The following TMEM45A variants were observed in gnomAD, a reference collection of about 807,000 sequenced individuals.
TMEM45A encodes the protein transmembrane protein 45A.
Under a neutral mutation model 32.0 loss-of-function variants are expected in TMEM45A, and 25 were observed. That is an observed-to-expected ratio of 0.78 (90% confidence interval 0.57 to 1.09). TMEM45A has a LOEUF of 1.09. Ranked by LOEUF, TMEM45A falls within the 50% of genes least tolerant of loss-of-function variation. The pLI, the probability that TMEM45A is intolerant of heterozygous loss-of-function variation, is 0.00. For synonymous variants in TMEM45A, 122 were observed against 114.8 expected (o/e 1.06, Z -0.40); for missense variants, 302 against 325.0 (o/e 0.93, Z 0.54).
At chr3:100,497,743 C>G (rs564908694) in intron 1 of TMEM45A, among the ~76,000 whole-genome samples, 22 of 152,138 alleles carry the variant, frequency 1.4e-4, no homozygotes, top group Admixed American at 2.6e-4. Flanking sequence ...AATATCCTTC[C>G]TTTTTAAGGC....
chr3:100,493,263 CTG>C (rs1433439169), intron 1 of TMEM45A, among the ~76,000 whole-genome samples: 1 of 151,560 alleles, frequency 6.6e-6, no homozygotes, highest in Non-Finnish European at 1.5e-5. Flanking sequence ...TGTGAAAATA[CTG>C]TGGGTATTTG....
intron 1 of TMEM45A, among the ~76,000 whole-genome samples, chr3:100,514,415 C>T (rs1014576141): frequency 5.3e-5 from 8 of 152,064 alleles, no homozygotes; most frequent in Non-Finnish European, 1.0e-4. Context: ...GGAAAACTGG[C>T]TAGCCATATG....
intron 1 of TMEM45A, among the ~76,000 whole-genome samples, chr3:100,531,591 G>C (rs1204162693): frequency 6.6e-6 from 1 of 152,104 alleles, no homozygotes; most frequent in Non-Finnish European, 1.5e-5. Context: ...ATCAACTAGA[G>C]CAATTGAATT....
chr3:100,513,707 GATTGTAT>G (rs902709298), intron 1 of TMEM45A, among the ~76,000 whole-genome samples: 5 of 152,048 alleles, frequency 3.3e-5, no homozygotes, highest in Non-Finnish European at 7.4e-5. Context: ...CAGATGACAT[GATTGTAT>G]ATCTAGAAAA....
At chr3:100,502,796 A>T (rs1319789378) in intron 1 of TMEM45A, among the ~76,000 whole-genome samples, 1 of 152,226 alleles carries the variant, frequency 6.6e-6, no homozygotes, top group African/African-American at 2.4e-5. Flanking sequence ...AATGAAAATT[A>T]AGTAATATTA....
intron 1 of TMEM45A, among the ~76,000 whole-genome samples, chr3:100,550,229 T>C (rs1440835190): frequency 1.3e-5 from 2 of 149,166 alleles, no homozygotes; most frequent in Non-Finnish European, 3.0e-5. Context: ...AAATCCTTAA[T>C]AGAAGAGAAT....
In TMEM45A at chr3:100,512,512, A is replaced by G. The variant is rs1332428574; in HGVS notation, c.-4+19584A>G. Reference sequence around the variant, plus strand: ...AAATTTATAGCACTAAATGCCCACAAGAGAAAGGAGGAAAGATCCAAAATT... The same window carrying G: ...AAATTTATAGCACTAAATGCCCACAGGAGAAAGGAGGAAAGATCCAAAATT... On this transcript the variant is annotated intron_variant, in intron 1 of 5. Coordinates refer to ENST00000323523, the MANE Select transcript of TMEM45A (RefSeq NM_018004.3). Among the ~76,000 whole-genome samples, 7 of 152,366 alleles carry G rather than the reference A, an allele frequency of 4.6e-5. No individual in the cohort carries two copies. In the East Asian group the frequency reaches 1.3e-3, roughly 29 times the overall value.
chr3:100,504,269 G>A (rs1052475238), intron 1 of TMEM45A, among the ~76,000 whole-genome samples: 6 of 151,338 alleles, frequency 4.0e-5, no homozygotes, highest in Non-Finnish European at 8.8e-5. Context: ...AAAAAGTCTT[G>A]CTTGGATATC....
At chr3:100,552,838 T>C (rs1266954780) in intron 1 of TMEM45A, among the ~76,000 whole-genome samples, 1 of 152,170 alleles carries the variant, frequency 6.6e-6, no homozygotes. Context: ...GAAGAATGGA[T>C]ATATGGCCTC....
chr3:100,529,564 G>GT (rs1705608589), intron 1 of TMEM45A, among the ~76,000 whole-genome samples: 2 of 152,160 alleles, frequency 1.3e-5, no homozygotes, highest in African/African-American at 4.8e-5. Context: ...CCTTTGGGTT[G>GT]TAACTGCTCC....
intron 1 of TMEM45A, chr3:100,519,665 CTT>C: frequency 6.6e-7 from 1 of 1,513,866 alleles, no homozygotes; most frequent in South Asian, 1.2e-5. Flanking sequence ...AGAGCAAGAA[CTT>C]TTGATTCATA....
chr3:100,537,656 A>G (rs569847565), intron 1 of TMEM45A, among the ~76,000 whole-genome samples: 1 of 152,378 alleles, frequency 6.6e-6, no homozygotes, highest in East Asian at 1.9e-4. Context: ...GGAGTAAAGA[A>G]GAGGCAAAGA....
chr3:100,539,490 T>TGTATATGTATATGAATAC (rs1553682653), intron 1 of TMEM45A, among the ~76,000 whole-genome samples: 1 of 72,406 alleles, frequency 1.4e-5, no homozygotes, highest in East Asian at 3.5e-4. Flanking sequence ...TATATGTATA[T>TGTATATGTATATGAATAC]GTATACGTAT....
At chr3:100,564,805 G>T (rs1706396694) in intron 4 of TMEM45A, among the ~76,000 whole-genome samples, 1 of 152,148 alleles carries the variant, frequency 6.6e-6, no homozygotes, top group African/African-American at 2.4e-5. Flanking sequence ...TTTTAAATGT[G>T]CAGGCCAGAC....
intron 1 of TMEM45A, among the ~76,000 whole-genome samples, chr3:100,508,125 G>A (rs1708102944): frequency 6.6e-6 from 1 of 152,024 alleles, no homozygotes; most frequent in African/African-American, 2.4e-5. Context: ...AGAGCCCCAT[G>A]TTCCACATTT....
intron 1 of TMEM45A, among the ~76,000 whole-genome samples, chr3:100,536,402 T>C (rs1705740735): frequency 6.6e-6 from 1 of 152,340 alleles, no homozygotes; most frequent in East Asian, 1.9e-4. Flanking sequence ...TGAGTTTAAA[T>C]GTCCTAGAAT....
chr3:100,540,513 G>A (rs573989890), intron 1 of TMEM45A, among the ~76,000 whole-genome samples: 1 of 152,284 alleles, frequency 6.6e-6, no homozygotes, highest in South Asian at 2.1e-4. Context: ...TATCAGGAAC[G>A]CTAAAATCCA....
At chr3:100,530,935 G>A (rs972610164) in intron 1 of TMEM45A, among the ~76,000 whole-genome samples, 17 of 151,986 alleles carry the variant, frequency 1.1e-4, no homozygotes, top group African/African-American at 4.1e-4. Flanking sequence ...TAATTTAAAT[G>A]TTCCTTTGTC....
At chr3:100,558,917 A>G (rs1706275564) in intron 4 of TMEM45A, among the ~76,000 whole-genome samples, 1 of 152,230 alleles carries the variant, frequency 6.6e-6, no homozygotes, top group Non-Finnish European at 1.5e-5. Context: ...TAGAAGGCAG[A>G]AAAGAGAGCA....
Sources: gnomAD v4.1 joint callset for allele counts (sites outside exome capture counted in the v4.1 genomes callset) on GRCh38, gnomAD v4.1.1 for gene constraint, MANE v1.5 for transcripts, NCBI Gene and HGNC (gene_info 2026-07-23, HGNC 2026-07-21) for gene names.